The following NRXN3 variants were observed in gnomAD, a reference collection of about 807,000 sequenced individuals.
NRXN3 encodes neurexin 3.
NRXN3 carries 32 observed loss-of-function variants against 137.6 expected under a neutral mutation model. That is an observed-to-expected ratio of 0.23 (90% CI 0.18 to 0.31). The LOEUF is 0.31. Among genes scored for constraint, NRXN3 ranks in the 10% least tolerant of loss-of-function variants. The pLI, the probability that NRXN3 is intolerant of heterozygous loss-of-function variation, is 1.00. For missense variants in NRXN3, 1,574 were observed against 2,062.5 expected (o/e 0.76, Z 4.59); for synonymous variants, 798 against 784.5 (o/e 1.02, Z -0.29).
intron 15 of NRXN3, among the ~76,000 whole-genome samples, chr14:79,357,066 A>G (rs1324849116): frequency 6.6e-6 from 1 of 152,322 alleles, no homozygotes; most frequent in Admixed American, 6.5e-5. Flanking sequence ...GTTGAAAGAT[A>G]TAAAATGTGT....
intron 15 of NRXN3, among the ~76,000 whole-genome samples, chr14:79,260,194 A>T (rs2077384183): frequency 6.6e-6 from 1 of 152,206 alleles, no homozygotes; most frequent in South Asian, 2.1e-4. Flanking sequence ...ACACAAATAC[A>T]TATATCTTAT....
At chr14:78,279,140 C>A (rs1446790139) in intron 3 of NRXN3, among the ~76,000 whole-genome samples, 1 of 151,998 alleles carries the variant, frequency 6.6e-6, no homozygotes, top group Non-Finnish European at 1.5e-5. Flanking sequence ...CACAATGAAA[C>A]CAGCAATATT....
At chr14:78,357,058 C>T (rs1354708107) in intron 4 of NRXN3, among the ~76,000 whole-genome samples, 2 of 152,148 alleles carry the variant, frequency 1.3e-5, no homozygotes, top group African/African-American at 4.8e-5. Flanking sequence ...ACATGATGGG[C>T]TGTCATCCCC....
chr14:78,893,891 A>G (rs550691704), intron 10 of NRXN3, among the ~76,000 whole-genome samples: 1 of 152,086 alleles, frequency 6.6e-6, no homozygotes, highest in South Asian at 2.1e-4. Context: ...CCCAGTGCAT[A>G]TAAAAGTTAT....
chr14:78,709,407 T>C lies in NRXN3; in HGVS notation c.1412T>C (p.Ile471Thr). The change falls in exon 7 of 21, where the codon ATC (isoleucine) becomes ACC (threonine). Residue 471 changes from isoleucine to threonine, a missense_variant. This residue lies in a region of NRXN3 where 718 missense variants were observed against 887.6 expected (regional missense o/e 0.81). Coordinates refer to ENST00000335750, the MANE Select transcript of NRXN3 (RefSeq NM_001330195.2). ...PKWNTKRMGS[I>T]SFDFRTTEPN... ...TGGAACACTAAACGTATGGGCTCCA[T>C]CTCCTTTGACTTCCGCACCACAGAG... is the stretch of plus-strand genomic sequence containing the variant. The C allele has an allele frequency of 6.2e-7, 1 of 1,614,104 alleles. No individual in the cohort carries two copies. Among genetic ancestry groups the C allele is most frequent in the Non-Finnish European group, 8.5e-7 (1 of 1,180,010 alleles).
chr14:78,634,764 A>G (rs919969097), intron 4 of NRXN3, among the ~76,000 whole-genome samples: 3 of 152,102 alleles, frequency 2.0e-5, no homozygotes, highest in African/African-American at 7.2e-5. Flanking sequence ...TTCTGTATAC[A>G]TATTTCTTAT....
At chr14:79,191,131 T>G (rs971966714) in intron 15 of NRXN3, among the ~76,000 whole-genome samples, 2 of 152,144 alleles carry the variant, frequency 1.3e-5, no homozygotes, top group African/African-American at 4.8e-5. Context: ...GGACTGGAGT[T>G]CTAAAGAAAC....
At chr14:78,508,544 G>A (rs1053591780) in intron 4 of NRXN3, among the ~76,000 whole-genome samples, 1 of 152,062 alleles carries the variant, frequency 6.6e-6, no homozygotes, top group African/African-American at 2.4e-5. Context: ...TTGTATGCTA[G>A]AAAGTAAGTA....
At chr14:78,970,783 C>T (rs996493796) in intron 14 of NRXN3, among the ~76,000 whole-genome samples, 5 of 152,132 alleles carry the variant, frequency 3.3e-5, no homozygotes, top group African/African-American at 7.2e-5. Flanking sequence ...CAGAGAGCTC[C>T]GACCTTCCTC....
chr14:78,771,843 T>G (rs1017196790), intron 8 of NRXN3, among the ~76,000 whole-genome samples: 1 of 152,244 alleles, frequency 6.6e-6, no homozygotes, highest in Non-Finnish European at 1.5e-5. Context: ...AATTTATTGG[T>G]ATTTTATTTT....
intron 6 of NRXN3, among the ~76,000 whole-genome samples, chr14:78,669,354 A>T (rs1364209310): frequency 6.6e-6 from 1 of 152,134 alleles, no homozygotes; most frequent in African/African-American, 2.4e-5. Context: ...CCAAGAAAAA[A>T]TTCAGGGTGA....
intron 10 of NRXN3, among the ~76,000 whole-genome samples, chr14:78,816,230 A>T (rs748585494): frequency 9.9e-5 from 15 of 152,170 alleles, no homozygotes; most frequent in Non-Finnish European, 2.1e-4. Context: ...ACATGGAACA[A>T]AAGGCAAAAT....
intron 4 of NRXN3, among the ~76,000 whole-genome samples, chr14:78,402,954 A>G (rs2092212160): frequency 1.3e-5 from 2 of 152,198 alleles, no homozygotes; most frequent in South Asian, 4.1e-4. Context: ...GTAACAACTG[A>G]GTCTATATTT....
chr14:79,449,213 A>T (rs1471654852), intron 15 of NRXN3, among the ~76,000 whole-genome samples: 1 of 152,182 alleles, frequency 6.6e-6, no homozygotes, highest in Admixed American at 6.6e-5. Flanking sequence ...CATAGTGAAG[A>T]TGATTAAATA....
intron 6 of NRXN3, among the ~76,000 whole-genome samples, chr14:78,661,084 G>A (rs2097837009): frequency 6.6e-6 from 1 of 152,164 alleles, no homozygotes; most frequent in Non-Finnish European, 1.5e-5. Context: ...GGTTCCTAAA[G>A]ACTAGACAAT....
At chr14:78,645,918 C>T (rs1176826963) in intron 5 of NRXN3, among the ~76,000 whole-genome samples, 1 of 151,992 alleles carries the variant, frequency 6.6e-6, no homozygotes, top group East Asian at 1.9e-4. Context: ...AATTTACTAC[C>T]CTTTCCCAAC....
At chr14:78,279,463 ATAAT>A in intron 3 of NRXN3, 1 of 152,386 alleles carries the variant, frequency 6.6e-6, no homozygotes, top group Non-Finnish European at 1.5e-5. Context: ...GTTAAAAAGA[ATAAT>A]TAACTTGACC....
intron 4 of NRXN3, among the ~76,000 whole-genome samples, chr14:78,380,469 A>C (rs543759078): frequency 1.3e-5 from 2 of 152,296 alleles, no homozygotes; most frequent in South Asian, 4.1e-4. Context: ...TCCAATGACA[A>C]GTTTTCTTAC....
chr14:79,781,840 A>C (rs2099114917), intron 19 of NRXN3, among the ~76,000 whole-genome samples: 1 of 152,226 alleles, frequency 6.6e-6, no homozygotes, highest in African/African-American at 2.4e-5. Context: ...GCTACTTATC[A>C]AAATCTATTT....
Sources: allele counts gnomAD v4.1 joint callset (sites outside exome capture counted in the v4.1 genomes callset), GRCh38; gene constraint gnomAD v4.1.1; regional missense constraint gnomAD v4.1.1; transcripts MANE v1.5; gene names NCBI Gene and HGNC (gene_info 2026-07-23, HGNC 2026-07-21).